Variants in LIPE observed in about 807,000 individuals in gnomAD.
LIPE encodes hormone-sensitive lipase.
A neutral mutation model predicts 88.5 loss-of-function variants in LIPE; 66 were observed. The observed-to-expected ratio is 0.75, with a 90% CI of 0.61 to 0.91. The LOEUF (loss-of-function observed/expected upper bound fraction) is 0.91. LIPE is among the 40% of genes least tolerant of loss of function. LIPE has a pLI of 0.00. For missense variants in LIPE, 1,346 were observed against 1,434.7 expected, an observed-to-expected ratio of 0.94 and a Z score of 1.00; for synonymous variants, 570 against 617.5, an observed-to-expected ratio of 0.92 and a Z score of 1.14.
At chr19:42,424,612 G>A (rs779346440) in intron 1 of LIPE, 2 of 456,210 alleles carry the variant, frequency 4.4e-6, no homozygotes, top group African/African-American at 4.0e-5. Flanking sequence ...TCTCTTATCA[G>A]CTGTGGGAGA....
intron 8 of LIPE, 102 bp from the exon 9 acceptor site, chr19:42,403,133 A>C (rs1908830982): frequency 4.2e-6 from 5 of 1,200,006 alleles, no homozygotes; most frequent in Non-Finnish European, 5.7e-6. Context: ...GAGCGCTGTG[A>C]AAGGCTGTGT....
Position 42,405,961 on chromosome 19 carries a change from G to GTCTGTCTCTC in LIPE, c.2365+199_2365+200insGAGAGACAGA, listed in dbSNP as rs1555788409. ...GCGACATGACACCTTGTGTCTGTCT[G>GTCTGTCTCTC]TCTCTCTCTCTCTCTCACACACACA... On this transcript the variant is annotated intron_variant, in intron 7 of 9. Transcript: ENST00000244289. 12 of 491,332 alleles carry GTCTGTCTCTC rather than the reference G, an allele frequency of 2.4e-5. No individual in the cohort carries two copies. The African/African-American group carries it at 2.5e-4, about 10-fold the overall frequency. The allele number at this position is 491,332 out of a possible 1,614,324, so 30.4% of individuals were successfully genotyped here.
chr19:42,402,875 G>A lies in LIPE; in HGVS notation c.2699C>T (p.Thr900Ile). ...ATCGGAGGGTGTGGAGGGGCTAAGT[G>A]TCTCAGCTGACAGCGACATCTCGGG... Reference protein sequence around the residue: ...DTPEMSLSAETLSPSTPSDVN... With the variant: ...DTPEMSLSAEILSPSTPSDVN... The change falls in exon 9 of 10, where the codon ACA becomes ATA. Residue 900 changes from threonine to isoleucine, a missense_variant. By Grantham distance (89) the Thr-to-Ile change is moderately conservative (BLOSUM62 -1). Transcript: ENST00000244289. The A allele has an allele frequency of 6.2e-7, 1 of 1,613,830 alleles. No homozygotes were observed. The highest frequency in any genetic ancestry group is 8.5e-7 in the Non-Finnish European group (1 of 1,179,972).
In LIPE at chr19:42,426,929, T is replaced by A. The variant is rs2040719068; in HGVS notation, c.221A>T (p.Glu74Val). Residue 74 changes from glutamate to valine, a missense_variant, in exon 1 of 10, where the codon GAA becomes GTA. By Grantham distance (121) the Glu-to-Val change is moderately radical. Transcript: ENST00000244289. Reference protein sequence around the residue: ...PAQHDAESQKEPRAQQKSASQ... With the variant: ...PAQHDAESQKVPRAQQKSASQ... ...AGCAGATTTTTGTTGGGCTCTAGGT[T>A]CCTTCTGGGATTCAGCATCATGTTG... is the stretch of plus-strand genomic sequence containing the variant. The A allele has an allele frequency of 1.2e-6, 2 of 1,614,174 alleles. No individual in the cohort carries two copies. The highest frequency in any genetic ancestry group is 4.5e-5 in the East Asian group (2 of 44,878).
rs565305354 is a variant in LIPE, at chr19:42,422,557, T to C, written c.883+3710A>G. Among the ~76,000 whole-genome samples, 84 of 152,228 alleles carry C rather than the reference T, an allele frequency of 5.5e-4. 1 individual carries two copies. The highest frequency in any genetic ancestry group is 4.8e-3 in the Admixed American group (74 of 15,294). On this transcript the variant is annotated intron_variant, in intron 1 of 9. Transcript: ENST00000244289. ...TCTACGGCAGGGGAAGCAATGAGTT[T>C]GGGGTCCCTGGGGCTGAGGGGTGGT...
intron 7 of LIPE, chr19:42,405,917 G>A: frequency 1.8e-6 from 1 of 569,050 alleles, no homozygotes; most frequent in East Asian, 2.9e-5. Context: ...GTGTGTTTGA[G>A]CCACTGCACT....
At position 42,406,081 on chromosome 19, in the gene LIPE, G is replaced by A; in HGVS notation, c.2365+80C>T. ...CTGGCCTCTCCTTCCTCAGTCACAG[G>A]AGTCCTGGTCCCCAGCCCGTCCCTG... On this transcript the variant is annotated intron_variant, in intron 7 of 9. Transcript: ENST00000244289. The surrounding 1 kb of genome is among the most constrained non-coding windows in gnomAD (Gnocchi z 5.7). 2 of 1,258,950 alleles carry A rather than the reference G, an allele frequency of 1.6e-6. No homozygotes were observed. The highest frequency in any genetic ancestry group is 2.3e-4 in the Middle Eastern group (1 of 4,292). The allele number at this position is 1,258,950 out of a possible 1,614,324, so 78.0% of individuals were successfully genotyped here.
At chr19:42,405,873 T>C (rs1208256675) in intron 7 of LIPE, 4 of 537,028 alleles carry the variant, frequency 7.4e-6, no homozygotes, top group South Asian at 4.8e-5. Flanking sequence ...GGCAGGATGA[T>C]TGCTTCAGCC....
chr19:42,405,859 C>T, intron 7 of LIPE: 2 of 538,926 alleles, frequency 3.7e-6, no homozygotes, highest in South Asian at 2.4e-5. Context: ...ACTTGGGAAG[C>T]TGAGGCAGGA....
intron 8 of LIPE, among the ~76,000 whole-genome samples, chr19:42,403,240 GATGTGTGTGTGT>G (rs1171215644): frequency 8.8e-6 from 1 of 114,102 alleles, no homozygotes; most frequent in East Asian, 2.7e-4. Context: ...TCTAGTGAAG[GATGTGTGTGTGT>G]GTGTGTGTGT....
At chr19:42,416,981 C>T (rs1283860920) in intron 1 of LIPE, among the ~76,000 whole-genome samples, 3 of 152,198 alleles carry the variant, frequency 2.0e-5, no homozygotes, top group Non-Finnish European at 4.4e-5. Flanking sequence ...AGTGCAGTGG[C>T]GCAATCTCAG....
Position 42,406,142 on chromosome 19 carries a change from C to CT in LIPE, c.2365+18dup, listed in dbSNP as rs1369872699. On this transcript the variant is annotated intron_variant, in intron 7 of 9. Coordinates refer to ENST00000244289, the MANE Select transcript of LIPE (RefSeq NM_005357.4). The surrounding 1 kb of genome is among the most constrained non-coding windows in gnomAD (Gnocchi z 5.7). The stretch of plus-strand genomic sequence containing the variant: ...ACATCCATGCAGTCCTGTTTCCCTG[C>CT]TGAGGGTGTGGGCCTCACCAGCATA... 2 of 1,580,686 alleles carry CT rather than the reference C, an allele frequency of 1.3e-6. No homozygotes were observed. Among genetic ancestry groups the CT allele is most frequent in the East Asian group, 4.5e-5 (2 of 44,290 alleles).
chr19:42,410,986 G>T lies in LIPE; in HGVS notation c.884-144C>A. The stretch of plus-strand genomic sequence containing the variant: ...TCAGTTCCAGGGGCCCAGGACCCCA[G>T]GTTCCTCCTCCCTTAGACATAAGAG... On this transcript the variant is annotated intron_variant, in intron 1 of 9. Coordinates refer to ENST00000244289, the MANE Select transcript of LIPE (RefSeq NM_005357.4). The surrounding 1 kb of genome is among the most constrained non-coding windows in gnomAD (Gnocchi z 6.1). 1 of 845,430 alleles carries T rather than the reference G, an allele frequency of 1.2e-6. No individual in the cohort carries two copies. Among genetic ancestry groups the T allele is most frequent in the Non-Finnish European group, 1.8e-6 (1 of 560,808 alleles). 52.4% of individuals were successfully genotyped at this position (845,430 alleles called of 1,614,324 possible). A position where few individuals can be genotyped will look rare whatever the true frequency, so the allele number is the denominator to read the frequency against.
In LIPE at chr19:42,407,370, T is replaced by C. The variant is rs748502901; in HGVS notation, c.1941A>G (p.Ile647Met). The C allele has an allele frequency of 2.5e-6, 4 of 1,613,460 alleles. No individual in the cohort carries two copies. The highest frequency in any genetic ancestry group is 1.1e-5 in the South Asian group (1 of 91,050). ...PQQAPRSRSL[I>M]VHFHGGGFVA... ...CAAAGCCACCGCCGTGGAAGTGCACTATCAGGGACCGCGAGCGGGGTGCCT... is the reference window on the plus strand; with the variant it reads ...CAAAGCCACCGCCGTGGAAGTGCACCATCAGGGACCGCGAGCGGGGTGCCT... The change falls in exon 6 of 10, where the codon ATA (isoleucine) becomes ATG (methionine). Residue 647 changes from isoleucine to methionine, a missense_variant. Ile to Met is a conservative substitution (Grantham distance 10). Transcript: ENST00000244289. This position sits in a 1 kb window ranked among gnomAD's most constrained non-coding sequence, Gnocchi z 5.8.
In LIPE at chr19:42,410,578, C is replaced by T. The variant is rs1264083919; in HGVS notation, c.1148G>A (p.Cys383Tyr). 6.2e-7 allele frequency: 1 copy of T among 1,613,118 alleles called. No individual in the cohort carries two copies. The highest frequency in any genetic ancestry group is 8.5e-7 in the Non-Finnish European group (1 of 1,179,958). Residue 383 changes from cysteine to tyrosine, a missense_variant, in exon 2 of 10, where the codon TGC (cysteine) becomes TAC (tyrosine). Cys to Tyr is a radical substitution (Grantham distance 194). Transcript: ENST00000244289. This position sits in a 1 kb window ranked among gnomAD's most constrained non-coding sequence, Gnocchi z 6.1. ...GGATTTGTGCAGGAGGTGCGCCAGG[C>T]AGCAGCGGGCTGTGTGCACTAGGCT... Reference protein sequence around the residue: ...YRSLVHTARCCLAHLLHKSRY... With the variant: ...YRSLVHTARCYLAHLLHKSRY...
At chr19:42,417,237 CTTA>C (rs2040506496) in intron 1 of LIPE, among the ~76,000 whole-genome samples, 1 of 151,828 alleles carries the variant, frequency 6.6e-6, no homozygotes, top group South Asian at 2.1e-4. Context: ...ACTTTTAAGT[CTTA>C]TTATTTGTTA....
rs1447660285 is a variant in LIPE, at chr19:42,408,683, A to C, written c.1420-361T>G. ...AGGGGAGGGTGTTCCCTGCACAGGG[A>C]ACAGAGAGCATGAAGGCTTAAAGGT... On this transcript the variant is annotated intron_variant, in intron 2 of 9. Coordinates refer to ENST00000244289, the MANE Select transcript of LIPE (RefSeq NM_005357.4). This position sits in a 1 kb window ranked among gnomAD's most constrained non-coding sequence, Gnocchi z 4.3. Among the ~76,000 whole-genome samples, 1 of 151,298 alleles carries C rather than the reference A, an allele frequency of 6.6e-6. No homozygotes were observed. Among genetic ancestry groups the C allele is most frequent in the African/African-American group, 2.4e-5 (1 of 41,158 alleles).
intron 1 of LIPE, among the ~76,000 whole-genome samples, chr19:42,421,637 C>T (rs186280684): frequency 4.9e-4 from 74 of 152,320 alleles, no homozygotes; most frequent in African/African-American, 1.6e-3. Context: ...CTCCCTGCCC[C>T]GAGGAGGCTG....
rs1600108486 is a variant in LIPE, at chr19:42,405,426, A to G, written c.2501T>C (p.Leu834Ser). 6.2e-7 allele frequency: 1 copy of G among 1,613,708 alleles called. No homozygotes were observed. Among genetic ancestry groups the G allele is most frequent in the Non-Finnish European group, 8.5e-7 (1 of 1,179,958 alleles). The change falls in exon 8 of 10, where the codon TTA becomes TCA. Residue 834 changes from leucine (L) to serine (S), a missense_variant. Leu to Ser is a moderately radical substitution (Grantham distance 145, BLOSUM62 -2). Transcript: ENST00000244289. ...CATCTTCTGGGACTTGCGCCCACTT[A>G]ACTCCAGGAAGGAGTTGAGCCATGA... The part of the protein sequence containing the change: ...ASSWLNSFLE[L>S]SGRKSQKMSE...
Sources: allele counts gnomAD v4.1 joint callset (sites outside exome capture counted in the v4.1 genomes callset), GRCh38; gene constraint gnomAD v4.1.1; non-coding constraint Gnocchi (gnomAD v3.1); transcripts MANE v1.5; gene names NCBI Gene and HGNC (gene_info 2026-07-23, HGNC 2026-07-21).